VPS13B: variants seen among roughly 807,000 people sequenced by gnomAD.
The protein encoded by VPS13B is vacuolar protein sorting 13 homolog B.
VPS13B carries 285 observed loss-of-function variants against 426.4 expected under a neutral mutation model. The ratio of observed to expected loss-of-function variants is 0.67; its 90% CI spans 0.61 to 0.74. The LOEUF (loss-of-function observed/expected upper bound fraction) is 0.74, where lower values mean the gene tolerates loss of function less well. Among genes scored for constraint, VPS13B ranks in the 30% least tolerant of loss-of-function variants. VPS13B has a pLI of 0.00. For missense variants in VPS13B, 4,537 were observed against 4,782.6 expected, an observed-to-expected ratio of 0.95 and a Z score of 1.51; for synonymous variants, 1,676 against 1,676.4, an observed-to-expected ratio of 1.00 and a Z score of 0.01.
At chr8:99,135,762 C>G in intron 11 of VPS13B, 29 bp downstream of exon 11, 1 of 1,612,120 alleles carries the variant, frequency 6.2e-7, no homozygotes, top group South Asian at 1.1e-5. Flanking sequence ...GAACCAAATT[C>G]TAGGCTGTGT....
At chr8:99,580,525 T>G (rs1825998416) in intron 33 of VPS13B, among the ~76,000 whole-genome samples, 1 of 151,692 alleles carries the variant, frequency 6.6e-6, no homozygotes, top group Non-Finnish European at 1.5e-5. Flanking sequence ...GTGTTAACAT[T>G]TTCAGACAAC....
intron 39 of VPS13B, among the ~76,000 whole-genome samples, chr8:99,764,289 G>C (rs1022007393): frequency 3.9e-5 from 6 of 152,060 alleles, no homozygotes; most frequent in Non-Finnish European, 8.8e-5. Context: ...CTTCCAAAAA[G>C]GGAAACACAT....
intron 23 of VPS13B, among the ~76,000 whole-genome samples, chr8:99,467,163 G>C (rs554197652): frequency 6.6e-6 from 1 of 152,176 alleles, no homozygotes; most frequent in South Asian, 2.1e-4. Flanking sequence ...GAAGAAGTTA[G>C]AACTTTTATT....
At chr8:99,096,469 T>C (rs1846425088) in intron 4 of VPS13B, 37 bp downstream of exon 4, 1 of 1,611,982 alleles carries the variant, frequency 6.2e-7, no homozygotes, top group Admixed American at 1.7e-5. Flanking sequence ...CAAATTTCAA[T>C]TTTTGGCCGG....
At chr8:99,724,420 A>C (rs1833248514) in intron 39 of VPS13B, among the ~76,000 whole-genome samples, 1 of 152,154 alleles carries the variant, frequency 6.6e-6, no homozygotes, top group African/African-American at 2.4e-5. Context: ...CCTGAATTTC[A>C]GGGAGCTTAT....
intron 3 of VPS13B, among the ~76,000 whole-genome samples, chr8:99,059,696 G>A (rs1231234917): frequency 6.6e-6 from 1 of 150,550 alleles, no homozygotes; most frequent in African/African-American, 2.4e-5. Flanking sequence ...TAGAATCATT[G>A]GATACTAAAC....
chr8:99,784,270 C>T, intron 42 of VPS13B, 45 bp from the exon 43 acceptor site: 1 of 1,612,898 alleles, frequency 6.2e-7, no homozygotes. Flanking sequence ...AAACATCTTA[C>T]AATTAATCCG....
chr8:99,234,150 G>C (rs1816511427), intron 17 of VPS13B: 2 of 783,498 alleles, frequency 2.6e-6, no homozygotes, highest in Non-Finnish European at 4.7e-6. Flanking sequence ...GGGGGTAAAG[G>C]GGGAGCTCAC....
At chr8:99,176,900 A>G (rs1812662484) in intron 16 of VPS13B, among the ~76,000 whole-genome samples, 1 of 152,208 alleles carries the variant, frequency 6.6e-6, no homozygotes, top group African/African-American at 2.4e-5. Context: ...AATTTTAGAA[A>G]GAGGTTTGGC....
chr8:99,871,669 A>C lies in VPS13B; in HGVS notation c.11717A>C (p.Lys3906Thr), dbSNP rs559332105. 8 of 1,614,018 alleles carry C rather than the reference A, an allele frequency of 5.0e-6. No individual in the cohort carries two copies. The East Asian group carries it at 1.8e-4, about 36-fold the overall frequency. The change falls in exon 61 of 62, where the codon AAG becomes ACG. Residue 3906 changes from lysine to threonine, a missense_variant. Coordinates refer to ENST00000357162, the MANE Select transcript of VPS13B (RefSeq NM_152564.5). The stretch of plus-strand genomic sequence containing the variant: ...AACAACTTACTCACAGTGCAGCTCA[A>C]GCAGCCAAGAGTGGCCTGTGATGTG... ...KQNNLLTVQLKQPRVACDVEV... is the reference protein window; with the variant it reads ...KQNNLLTVQLTQPRVACDVEV...
intron 2 of VPS13B, among the ~76,000 whole-genome samples, chr8:99,031,098 A>ATG (rs573764821): frequency 7.7e-4 from 117 of 152,196 alleles, no homozygotes; most frequent in Non-Finnish European, 1.3e-3. Context: ...CCCACTGATG[A>ATG]TGTCAGGTGA....
Position 99,274,307 on chromosome 8 carries a change from A to G in VPS13B, c.2625A>G (p.Ser875=). 2.5e-6 allele frequency: 4 copies of G among 1,614,170 alleles called. No individual in the cohort carries two copies. The highest frequency in any genetic ancestry group is 3.4e-6 in the Non-Finnish European group (4 of 1,180,018). ...LVKCASGTMG[S]IKICAKAPVD... ...AATGTGCCTCTGGGACCATGGGATC[A>G]ATAAAAATTTGTGCCAAAGCCCCAG... The change falls in exon 18 of 62, where the codon TCA becomes TCG. Residue 875 remains serine (S), a synonymous_variant. Transcript: ENST00000357162.
chr8:99,706,466 T>C (rs536418389), intron 36 of VPS13B, among the ~76,000 whole-genome samples: 2 of 152,272 alleles, frequency 1.3e-5, no homozygotes, highest in East Asian at 3.9e-4. Context: ...GTAAATATGG[T>C]TCTCTTGGGG....
chr8:99,737,353 C>A (rs551421742), intron 39 of VPS13B, among the ~76,000 whole-genome samples: 6 of 151,662 alleles, frequency 4.0e-5, no homozygotes, highest in African/African-American at 1.5e-4. Flanking sequence ...ATCTCCTGAC[C>A]TCGGGATCCG....
At chr8:99,655,568 C>T (rs1235639621) in intron 34 of VPS13B, among the ~76,000 whole-genome samples, 4 of 152,144 alleles carry the variant, frequency 2.6e-5, no homozygotes, top group Admixed American at 6.5e-5. Context: ...TCAGTGGGCC[C>T]GGTTAGTGAT....
intron 29 of VPS13B, among the ~76,000 whole-genome samples, chr8:99,519,628 A>C (rs917964554): frequency 6.6e-6 from 1 of 152,214 alleles, no homozygotes; most frequent in Admixed American, 6.5e-5. Context: ...AGCCATAAAA[A>C]ATGATGAGTT....
chr8:99,633,827 G>GTGTGTGTC (rs1451152367), intron 33 of VPS13B, among the ~76,000 whole-genome samples: 3 of 151,532 alleles, frequency 2.0e-5, no homozygotes, highest in African/African-American at 7.3e-5. Flanking sequence ...GTGTGTGTGT[G>GTGTGTGTC]TGTGTGTGTG....
intron 21 of VPS13B, among the ~76,000 whole-genome samples, chr8:99,397,890 A>C (rs180820618): frequency 6.6e-6 from 1 of 152,332 alleles, no homozygotes; most frequent in Admixed American, 6.5e-5. Flanking sequence ...ACTGCATAAG[A>C]GGTCTTGCAA....
chr8:99,360,214 CTTTCTTTCTTTCTT>C lies in VPS13B; in HGVS notation c.2825-23992_2825-23979del, dbSNP rs1449949760. 6.8e-4 allele frequency among the ~76,000 whole-genome samples: 13 copies of C among 18,988 alleles called. 1 individual carries two copies. The highest frequency in any genetic ancestry group is 7.7e-4 in the African/African-American group (4 of 5,218). The allele number at this position is 18,988 out of a possible 152,430, so 12.5% of individuals were successfully genotyped here. A position where few individuals can be genotyped will look rare whatever the true frequency, so the allele number is the denominator to read the frequency against. On this transcript the variant is annotated intron_variant, in intron 19 of 61. Transcript: ENST00000357162. Reference sequence around the variant, plus strand: ...TCTCTCTCTCTCTCTCTCTCTCTTTCTTTCTTTCTTTCTTTCTTTCTCTCTCTCCTTCCTTCCTT... The same window carrying C: ...TCTCTCTCTCTCTCTCTCTCTCTTTCTCTTTCTCTCTCTCCTTCCTTCCTT...
Sources: allele counts gnomAD v4.1 joint callset (sites outside exome capture counted in the v4.1 genomes callset), GRCh38; gene constraint gnomAD v4.1.1; transcripts MANE v1.5; gene names NCBI Gene and HGNC (gene_info 2026-07-23, HGNC 2026-07-21).